Variants in HHATL observed in about 807,000 individuals in gnomAD.
The protein encoded by HHATL is hedgehog acyltransferase like.
Under a neutral mutation model 59.7 loss-of-function variants are expected in HHATL, and 49 were observed. The ratio of observed to expected loss-of-function variants is 0.82; its 90% CI spans 0.65 to 1.04. The LOEUF is 1.04. Among genes scored for constraint, HHATL ranks in the 50% least tolerant of loss-of-function variants. The pLI is 0.00. For synonymous variants in HHATL, 238 were observed against 257.3 expected (o/e 0.93, Z 0.72); for missense variants, 605 against 650.8 (o/e 0.93, Z 0.77).
At chr3:42,693,506 G>A in intron 10 of HHATL, 111 bp downstream of exon 10, 1 of 944,566 alleles carries the variant, frequency 1.1e-6, no homozygotes, top group Non-Finnish European at 1.6e-6. Context: ...GAGGGTGGTG[G>A]TGAGAAAGTT....
Position 42,701,898 on chromosome 3 carries a change from G to A in HHATL, c.-14+681C>T, listed in dbSNP as rs1006235519. Among the ~76,000 whole-genome samples the A allele has an allele frequency of 3.3e-5, 5 of 152,290 alleles. No individual in the cohort carries two copies. Among genetic ancestry groups the A allele is most frequent in the African/African-American group, 1.2e-4 (5 of 41,550 alleles). ...TGATGTGGCCCTTTTGCCCACCCTT[G>A]ATCCTCCCCTAAATCTTCATCCCCA... On this transcript the variant is annotated intron_variant, in intron 1 of 11. Coordinates refer to ENST00000441594, the MANE Select transcript of HHATL (RefSeq NM_020707.4). This position sits in a 1 kb window ranked among gnomAD's most constrained non-coding sequence, Gnocchi z 5.1.
intron 2 of HHATL, 39 bp downstream of exon 2, chr3:42,700,682 G>T: frequency 7.0e-7 from 1 of 1,434,722 alleles, no homozygotes; most frequent in Non-Finnish European, 9.8e-7. Flanking sequence ...TCCAGGGGAA[G>T]AAGGGTCCTG....
chr3:42,696,729 T>G (rs994502551), intron 9 of HHATL, 113 bp downstream of exon 9: 19 of 1,194,748 alleles, frequency 1.6e-5, no homozygotes, highest in Non-Finnish European at 2.3e-5. Flanking sequence ...CACTGCCCTC[T>G]TTGCTTCCCC....
intron 8 of HHATL, 34 bp downstream of exon 8, chr3:42,696,967 G>C (rs751222824): frequency 4.3e-6 from 7 of 1,613,032 alleles, no homozygotes; most frequent in East Asian, 4.5e-5. Context: ...GTGGTCCCAG[G>C]GGGTGAGCCT....
At chr3:42,695,125 C>A (rs1271103121) in intron 9 of HHATL, among the ~76,000 whole-genome samples, 1 of 152,114 alleles carries the variant, frequency 6.6e-6, no homozygotes, top group Non-Finnish European at 1.5e-5. Context: ...GCTTTTTCTC[C>A]ACTCCACCTC....
chr3:42,698,244 G>T lies in HHATL; in HGVS notation c.591C>A (p.His197Gln), dbSNP rs200446136. 1 of 1,614,072 alleles carries T rather than the reference G, an allele frequency of 6.2e-7. No homozygotes were observed. The highest frequency in any genetic ancestry group is 1.3e-5 in the African/African-American group (1 of 74,932). Residue 197 changes from histidine to glutamine, a missense_variant, in exon 6 of 12, where the codon CAC becomes CAA. By Grantham distance (24) the His-to-Gln change is conservative. Coordinates refer to ENST00000441594, the MANE Select transcript of HHATL (RefSeq NM_020707.4). ...CTSFALESCA[H>Q]PDRHYSLADL... ...CAGCTAAGGAGTAGTGGCGGTCAGGGTGGGCACAGCTCTCCAGTGCAAAGC... is the reference window on the plus strand; with the variant it reads ...CAGCTAAGGAGTAGTGGCGGTCAGGTTGGGCACAGCTCTCCAGTGCAAAGC...
At position 42,701,415 on chromosome 3, in the gene HHATL, C is replaced by G. The variant is rs1437425287; in HGVS notation, c.-13-576G>C. 3 of 154,398 alleles carry G rather than the reference C, an allele frequency of 1.9e-5. No homozygotes were observed. Among genetic ancestry groups the G allele is most frequent in the African/African-American group, 7.2e-5 (3 of 41,482 alleles). The allele number at this position is 154,398 out of a possible 1,614,324, so 9.6% of individuals were successfully genotyped here. The stretch of plus-strand genomic sequence containing the variant: ...TAAGCCTCCAGCCTGTCACTGACCC[C>G]CATTCCCCCAACAAGTCCCTGAGCT... On this transcript the variant is annotated intron_variant, in intron 1 of 11. Coordinates refer to ENST00000441594, the MANE Select transcript of HHATL (RefSeq NM_020707.4). The surrounding 1 kb of genome is among the most constrained non-coding windows in gnomAD (Gnocchi z 5.1).
intron 4 of HHATL, 28 bp from the exon 5 acceptor site, chr3:42,698,930 C>T (rs368127987): frequency 7.6e-5 from 122 of 1,604,036 alleles, no homozygotes; most frequent in Non-Finnish European, 9.5e-5. Context: ...GCTTCAGTTT[C>T]GCCATATAAA....
intron 1 of HHATL, among the ~76,000 whole-genome samples, chr3:42,702,253 G>A (rs1309750420): frequency 3.3e-5 from 5 of 152,234 alleles, no homozygotes; most frequent in South Asian, 4.1e-4. Flanking sequence ...GCTTGAAACC[G>A]GAGCATGGTG....
Position 42,693,782 on chromosome 3 carries a change from A to G in HHATL, c.1083T>C (p.Ala361=), listed in dbSNP as rs339697. 971,669 of 1,613,340 alleles carry G rather than the reference A, an allele frequency of 0.6. 295,481 individuals are homozygous for G. The highest frequency in any genetic ancestry group is 0.81 in the African/African-American group (60,797 of 74,962). Residue 361 remains alanine, a synonymous_variant, in exon 10 of 12, where the codon GCT becomes GCC. Transcript: ENST00000441594. ...VYNHIGGEHS[A]VIPELAATVA... ...CTGTGGCTGCCAGCTCTGGGATCAC[A>G]GCGGAATGCTCCCCACCAATGTGGT...
chr3:42,697,791 G>T, intron 6 of HHATL, 112 bp from the exon 7 acceptor site: 1 of 1,151,192 alleles, frequency 8.7e-7, no homozygotes, highest in Non-Finnish European at 1.2e-6. Flanking sequence ...TTATCCAGGA[G>T]TCCTGCCTGA....
At chr3:42,693,846 T>A (rs1483046824) in intron 9 of HHATL, 28 bp from the exon 10 acceptor site, 6 of 1,583,546 alleles carry the variant, frequency 3.8e-6, no homozygotes, top group Admixed American at 3.3e-5. Flanking sequence ...GAAGGGCCAC[T>A]GGGAGTGTGG....
In HHATL at chr3:42,693,875, T is replaced by C. The variant is rs1033770169; in HGVS notation, c.1047-57A>G. 3.4e-5 allele frequency: 49 copies of C among 1,452,066 alleles called. No individual in the cohort carries two copies. In the African/African-American group the frequency reaches 6.2e-4, roughly 18 times the overall value. 89.9% of individuals were successfully genotyped at this position (1,452,066 alleles called of 1,614,324 possible). A position where few individuals can be genotyped will look rare whatever the true frequency, so the allele number is the denominator to read the frequency against. On this transcript the variant is annotated intron_variant, in intron 9 of 11. Coordinates refer to ENST00000441594, the MANE Select transcript of HHATL (RefSeq NM_020707.4). ...AGTGTGGGAAAGGGCAGGGATGAGA[T>C]GGGAGAGGACACACAACAGGGCGTC...
Position 42,693,688 on chromosome 3 carries a change from T to G in HHATL, c.1177A>C (p.Asn393His). ...CDIVYLWSFL[N>H]CFGLNFELWM... is the part of the protein sequence containing the mutation. The stretch of plus-strand genomic sequence containing the variant: ...AGCTCAAAGTTGAGGCCAAAGCAGT[T>G]AAGGAATGACCACAGGTAGACAATG... The change falls in exon 10 of 12, where the codon AAC becomes CAC. Residue 393 changes from asparagine to histidine, a missense_variant. Asn to His is a moderately conservative substitution (Grantham distance 68, BLOSUM62 1). Coordinates refer to ENST00000441594, the MANE Select transcript of HHATL (RefSeq NM_020707.4). 1.9e-6 allele frequency: 3 copies of G among 1,614,078 alleles called. No homozygotes were observed. Among genetic ancestry groups the G allele is most frequent in the Non-Finnish European group, 2.5e-6 (3 of 1,180,020 alleles).
Position 42,692,810 on chromosome 3 carries a change from G to C in HHATL, c.1456C>G (p.Arg486Gly). The change falls in exon 12 of 12, where the codon CGT becomes GGT. Residue 486 changes from arginine to glycine, a missense_variant. Coordinates refer to ENST00000441594, the MANE Select transcript of HHATL (RefSeq NM_020707.4). ...TCCTCCAGTGCCAAGGTTCGCTCAC[G>C]CTCCTTTACCAGCTGGACGCCACAG... ...TYCGVQLVKE[R>G]ERTLALEEEQ... The C allele has an allele frequency of 6.2e-7, 1 of 1,614,180 alleles. No individual in the cohort carries two copies. The highest frequency in any genetic ancestry group is 1.7e-5 in the Admixed American group (1 of 60,024).
At position 42,692,803 on chromosome 3, in the gene HHATL, C is replaced by T. The variant is rs189480013; in HGVS notation, c.1463G>A (p.Arg488Gln). The stretch of plus-strand genomic sequence containing the variant: ...CTGCTCCTCCTCCAGTGCCAAGGTT[C>T]GCTCACGCTCCTTTACCAGCTGGAC... ...CGVQLVKERE[R>Q]TLALEEEQKQ... is the part of the protein sequence containing the mutation. The change falls in exon 12 of 12, where the codon CGA becomes CAA. Residue 488 changes from arginine (R) to glutamine (Q), a missense_variant. Coordinates refer to ENST00000441594, the MANE Select transcript of HHATL (RefSeq NM_020707.4). 83 of 1,614,232 alleles carry T rather than the reference C, an allele frequency of 5.1e-5. No homozygotes were observed. The Admixed American group carries it at 6.7e-4, about 13-fold the overall frequency.
At chr3:42,696,495 C>T (rs1697616692) in intron 9 of HHATL, among the ~76,000 whole-genome samples, 1 of 152,166 alleles carries the variant, frequency 6.6e-6, no homozygotes, top group Non-Finnish European at 1.5e-5. Context: ...CTATACATTT[C>T]TTAAACTGAA....
rs1697938294 is a variant in HHATL, at chr3:42,700,808, A to T, written c.19T>A (p.Leu7Met). The change falls in exon 2 of 12, where the codon TTG becomes ATG. Residue 7 changes from leucine (L) to methionine (M), a missense_variant. Coordinates refer to ENST00000441594, the MANE Select transcript of HHATL (RefSeq NM_020707.4). ...TAGAGGCCCAGCTCAGCCGCCGGCAATGCTGTCTTGATGCCCATAGCCTGG... is the reference window on the plus strand; with the variant it reads ...TAGAGGCCCAGCTCAGCCGCCGGCATTGCTGTCTTGATGCCCATAGCCTGG... MGIKTALPAAELGLYSL... is the reference protein window; with the variant it reads MGIKTAMPAAELGLYSL... The T allele has an allele frequency of 6.2e-7, 1 of 1,613,826 alleles. No homozygotes were observed. Among genetic ancestry groups the T allele is most frequent in the African/African-American group, 1.3e-5 (1 of 75,030 alleles).
At chr3:42,696,158 C>A (rs1225240941) in intron 9 of HHATL, among the ~76,000 whole-genome samples, 1 of 152,174 alleles carries the variant, frequency 6.6e-6, no homozygotes, top group African/African-American at 2.4e-5. Flanking sequence ...GCTGTCCCCA[C>A]CATGCCTGGA....
Sources: gnomAD v4.1 joint callset for allele counts (sites outside exome capture counted in the v4.1 genomes callset) on GRCh38, gnomAD v4.1.1 for gene constraint, Gnocchi (gnomAD v3.1) non-coding constraint, MANE v1.5 for transcripts, NCBI Gene and HGNC (gene_info 2026-07-23, HGNC 2026-07-21) for gene names.